The following CTSC variants were observed in gnomAD, a reference collection of about 807,000 sequenced individuals.
CTSC encodes the protein dipeptidyl peptidase 1.
CTSC carries 37 observed loss-of-function variants against 40.9 expected under a neutral mutation model. The ratio of observed to expected loss-of-function variants is 0.91; its 90% CI spans 0.70 to 1.19. The LOEUF is 1.19. CTSC is among the 50% of genes most tolerant of loss of function. CTSC has a pLI of 0.00. For synonymous variants in CTSC, 232 were observed against 207.4 expected (o/e 1.12, Z -1.02); for missense variants, 594 against 567.3 (o/e 1.05, Z -0.48).
intron 2 of CTSC, among the ~76,000 whole-genome samples, chr11:88,320,394 A>G (rs1480748202): frequency 1.3e-5 from 2 of 152,208 alleles, no homozygotes; most frequent in Non-Finnish European, 2.9e-5. Flanking sequence ...ACTTACTCAT[A>G]AACTCAAACC....
chr11:88,315,748 T>C (rs551578946), intron 2 of CTSC, among the ~76,000 whole-genome samples: 3 of 148,648 alleles, frequency 2.0e-5, no homozygotes, highest in Non-Finnish European at 4.4e-5. Context: ...CACTTCTTCC[T>C]ACAATTTGTC....
intron 6 of CTSC, among the ~76,000 whole-genome samples, chr11:88,294,916 C>T (rs1944281973): frequency 6.6e-6 from 1 of 152,194 alleles, no homozygotes; most frequent in African/African-American, 2.4e-5. Context: ...GTATTATGGT[C>T]ATTGCTAAGC....
intron 5 of CTSC, among the ~76,000 whole-genome samples, chr11:88,299,922 A>T (rs1313741610): frequency 6.6e-6 from 1 of 152,222 alleles, no homozygotes; most frequent in Non-Finnish European, 1.5e-5. Context: ...ACTTCTGAAA[A>T]TAACTGGTAA....
At chr11:88,304,003 A>T (rs1937608138) in intron 4 of CTSC, among the ~76,000 whole-genome samples, 1 of 151,984 alleles carries the variant, frequency 6.6e-6, no homozygotes, top group Non-Finnish European at 1.5e-5. Context: ...GACAAGGGCT[A>T]TGGGAGTTAT....
chr11:88,330,417 C>T (rs941699738), intron 2 of CTSC, among the ~76,000 whole-genome samples: 27 of 150,408 alleles, frequency 1.8e-4, no homozygotes, highest in African/African-American at 6.4e-4. Context: ...GGTGTGATCT[C>T]GGCTCACTGC....
At chr11:88,329,879 G>A (rs1043635607) in intron 2 of CTSC, among the ~76,000 whole-genome samples, 9 of 152,070 alleles carry the variant, frequency 5.9e-5, no homozygotes, top group Non-Finnish European at 8.8e-5. Flanking sequence ...GGCGTGCGCT[G>A]CTATGCCTGG....
At chr11:88,301,350 A>G (rs912940264) in intron 4 of CTSC, among the ~76,000 whole-genome samples, 8 of 152,208 alleles carry the variant, frequency 5.3e-5, no homozygotes, top group Non-Finnish European at 1.0e-4. Context: ...CTTCATTTAC[A>G]TAAGGCATAC....
chr11:88,309,081 C>T, intron 4 of CTSC, 82 bp downstream of exon 4: 1 of 1,274,232 alleles, frequency 7.8e-7, no homozygotes, highest in South Asian at 1.2e-5. Flanking sequence ...AAATGGCGAG[C>T]AACACTGGTA....
chr11:88,293,693 T>C lies in CTSC; in HGVS notation c.*313A>G, dbSNP rs1196813026. 2 of 325,220 alleles carry C rather than the reference T, an allele frequency of 6.1e-6. No homozygotes were observed. Among genetic ancestry groups the C allele is most frequent in the Non-Finnish European group, 1.1e-5 (2 of 174,188 alleles). The allele number at this position is 325,220 out of a possible 1,614,324, so 20.1% of individuals were successfully genotyped here. A position where few individuals can be genotyped will look rare whatever the true frequency, so the allele number is the denominator to read the frequency against. On this transcript the variant is annotated 3_prime_UTR_variant, in exon 7 of 7. Coordinates refer to ENST00000227266, the MANE Select transcript of CTSC (RefSeq NM_001814.6). The stretch of plus-strand genomic sequence containing the variant: ...TCTTGTGATTGGTACAATTTAAAAA[T>C]AAGTCTATGTTTTCACATTGATTTT...
At chr11:88,318,378 T>C (rs1240457752) in intron 2 of CTSC, among the ~76,000 whole-genome samples, 1 of 152,210 alleles carries the variant, frequency 6.6e-6, no homozygotes, top group Non-Finnish European at 1.5e-5. Context: ...CTATGAAAGA[T>C]ATAGATGAAA....
At chr11:88,302,959 T>C (rs1383143008) in intron 4 of CTSC, among the ~76,000 whole-genome samples, 1 of 152,156 alleles carries the variant, frequency 6.6e-6, no homozygotes, top group East Asian at 1.9e-4. Flanking sequence ...TCAAGGATCA[T>C]AAAAATCTGT....
At chr11:88,308,125 A>T (rs564714849) in intron 4 of CTSC, among the ~76,000 whole-genome samples, 2 of 152,234 alleles carry the variant, frequency 1.3e-5, no homozygotes, top group Non-Finnish European at 2.9e-5. Flanking sequence ...TATGAGAGTG[A>T]AAGAGAGCTA....
At chr11:88,318,504 CA>C (rs1565258473) in intron 2 of CTSC, among the ~76,000 whole-genome samples, 2 of 152,196 alleles carry the variant, frequency 1.3e-5, no homozygotes, top group African/African-American at 4.8e-5. Flanking sequence ...ATATTCTATC[CA>C]AAACTGCCAA....
chr11:88,308,214 G>T (rs1199623254), intron 4 of CTSC, among the ~76,000 whole-genome samples: 3 of 152,132 alleles, frequency 2.0e-5, no homozygotes, highest in African/African-American at 7.2e-5. Flanking sequence ...AAGTCATTTC[G>T]GCTACAGTTT....
At chr11:88,320,779 A>T in intron 2 of CTSC, 1 of 959,380 alleles carries the variant, frequency 1.0e-6, no homozygotes, top group Non-Finnish European at 1.2e-6. Flanking sequence ...GTAACACTTC[A>T]AAGAACACAT....
chr11:88,335,272 T>C (rs1339339567), intron 1 of CTSC, among the ~76,000 whole-genome samples, 190 bp from the exon 2 acceptor site: 4 of 151,982 alleles, frequency 2.6e-5, no homozygotes, highest in Non-Finnish European at 4.4e-5. Flanking sequence ...GAGGCAAGAC[T>C]GTGAAGTTAG....
chr11:88,301,228 C>T (rs541445752), intron 4 of CTSC, among the ~76,000 whole-genome samples: 86 of 152,244 alleles, frequency 5.6e-4, no homozygotes, highest in South Asian at 1.7e-3. Context: ...AGGGCTTTGT[C>T]ACTTCACTTC....
At chr11:88,316,462 T>G (rs1466658090) in intron 2 of CTSC, among the ~76,000 whole-genome samples, 1 of 125,736 alleles carries the variant, frequency 8.0e-6, no homozygotes, top group Admixed American at 8.4e-5. Flanking sequence ...GATGACAGAA[T>G]CAGATCCATT....
In CTSC at chr11:88,309,271, A is replaced by C. The variant is rs1161263324; in HGVS notation, c.533T>G (p.Ile178Ser). 1 of 1,613,914 alleles carries C rather than the reference A, an allele frequency of 6.2e-7. No homozygotes were observed. The change falls in exon 4 of 7, where the codon ATC (isoleucine) becomes AGC (serine). Residue 178 changes from isoleucine to serine, a missense_variant. Transcript: ENST00000227266. Reference sequence around the variant, plus strand: ...AGTCCAAGACTTCTGAATGGCATTGATAGCTTTCACAAAGTTGTGATCATA... The same window carrying C: ...AGTCCAAGACTTCTGAATGGCATTGCTAGCTTTCACAAAGTTGTGATCATA... ...YKYDHNFVKA[I>S]NAIQKSWTAT...
Sources: allele counts gnomAD v4.1 joint callset (sites outside exome capture counted in the v4.1 genomes callset), GRCh38; gene constraint gnomAD v4.1.1; transcripts MANE v1.5; gene names NCBI Gene and HGNC (gene_info 2026-07-23, HGNC 2026-07-21).